DNAJC2: variants seen among roughly 807,000 people sequenced by gnomAD.
DNAJC2 encodes the protein dnaJ homolog subfamily C member 2.
Under a neutral mutation model 94.0 loss-of-function variants are expected in DNAJC2, and 32 were observed. The ratio of observed to expected loss-of-function variants is 0.34; its 90% CI spans 0.26 to 0.46. DNAJC2 has a LOEUF of 0.46. Ranked by LOEUF, DNAJC2 falls within the 20% of genes least tolerant of loss-of-function variation. The probability of loss-of-function intolerance (pLI) is 1.00; values close to 1 mark genes in which losing one functional copy is unlikely to be tolerated. For missense variants in DNAJC2, 550 were observed against 719.5 expected, an observed-to-expected ratio of 0.76 and a Z score of 2.69; for synonymous variants, 210 against 229.7, an observed-to-expected ratio of 0.91 and a Z score of 0.77.
At chr7:103,313,928 T>C in intron 15 of DNAJC2, 1 of 985,436 alleles carries the variant, frequency 1.0e-6, no homozygotes, top group Non-Finnish European at 1.2e-6. Context: ...CACAGACTAA[T>C]ACTACCAGTA....
chr7:103,314,636 C>A (rs897533603), intron 15 of DNAJC2: 1 of 985,292 alleles, frequency 1.0e-6, no homozygotes, highest in Non-Finnish European at 1.2e-6. Flanking sequence ...GTTCTGAAAC[C>A]CTGCCTTGTT....
rs750591003 is a variant in DNAJC2, at chr7:103,341,774, T to C, written c.245A>G (p.Lys82Arg). 2.2e-5 allele frequency: 35 copies of C among 1,575,520 alleles called. No individual in the cohort carries two copies. Among genetic ancestry groups the C allele is most frequent in the Non-Finnish European group, 3.0e-5 (35 of 1,162,438 alleles). ...EFPMLKTLDPKDWKNQDHYAV... is the reference protein window; with the variant it reads ...EFPMLKTLDPRDWKNQDHYAV... ...TCAGATATTAAATACCTTCCAGTCT[T>C]TGGGATCAAGTGTTTTCAGCATGGG... Residue 82 changes from lysine (K) to arginine (R), a missense_variant, in exon 2 of 17, where the codon AAA becomes AGA. Around this residue, in one of 2 missense-constraint regions of DNAJC2, gnomAD observed 279 missense variants for 416.9 expected, o/e 0.67. Coordinates refer to ENST00000379263, the MANE Select transcript of DNAJC2 (RefSeq NM_014377.3).
chr7:103,342,017 A>C, intron 1 of DNAJC2, 63 bp from the exon 2 acceptor site: 1 of 1,293,874 alleles, frequency 7.7e-7, no homozygotes, highest in Non-Finnish European at 1.0e-6. Flanking sequence ...GTTTCAAGGC[A>C]ATTAATTTTT....
chr7:103,323,870 G>A (rs1002849847), intron 6 of DNAJC2, among the ~76,000 whole-genome samples: 5 of 152,022 alleles, frequency 3.3e-5, no homozygotes, highest in Non-Finnish European at 4.4e-5. Context: ...AAACCACACC[G>A]CCCTGCTATC....
At chr7:103,334,778 ATTAT>A (rs1819102666) in intron 3 of DNAJC2, among the ~76,000 whole-genome samples, 1 of 151,992 alleles carries the variant, frequency 6.6e-6, no homozygotes, top group Non-Finnish European at 1.5e-5. Context: ...GCATAATAAA[ATTAT>A]TTATTTCAAC....
intron 10 of DNAJC2, chr7:103,320,830 C>CTTT (rs745754898): frequency 5.9e-4 from 67 of 113,784 alleles, no homozygotes; most frequent in East Asian, 2.7e-3. Flanking sequence ...CTCAGCATGT[C>CTTT]TTTTTTTTTT....
intron 1 of DNAJC2, among the ~76,000 whole-genome samples, chr7:103,342,158 TAATC>T (rs1163206457): frequency 1.3e-5 from 2 of 152,186 alleles, no homozygotes; most frequent in Admixed American, 6.5e-5. Flanking sequence ...AAAGAGTATT[TAATC>T]AACCTCTTCC....
intron 15 of DNAJC2, among the ~76,000 whole-genome samples, chr7:103,315,004 G>T (rs1486229275): frequency 1.3e-5 from 2 of 152,098 alleles, no homozygotes; most frequent in Non-Finnish European, 2.9e-5. Flanking sequence ...AGACACACGT[G>T]ATCAAGAGTT....
At chr7:103,342,504 C>T (rs71572233) in intron 1 of DNAJC2, among the ~76,000 whole-genome samples, 2,103 of 151,936 alleles carry the variant, frequency 0.014, 28 homozygotes, top group South Asian at 0.024. Context: ...GGGGTTTCTC[C>T]ATGTTGGTCA....
intron 5 of DNAJC2, 101 bp downstream of exon 5, chr7:103,326,442 C>T (rs1354809083): frequency 1.7e-6 from 2 of 1,198,128 alleles, no homozygotes; most frequent in Non-Finnish European, 2.4e-6. Context: ...TGGAAATAAT[C>T]TATAAATGAA....
chr7:103,316,347 A>G (rs1444772695), intron 13 of DNAJC2: 2 of 296,076 alleles, frequency 6.8e-6, no homozygotes. Context: ...CATAAATAAA[A>G]CCACTTATTT....
At position 103,317,026 on chromosome 7, in the gene DNAJC2, T is replaced by G. The variant is rs747452026; in HGVS notation, c.1243-12A>C. The G allele has an allele frequency of 6.2e-7, 1 of 1,609,858 alleles. No individual in the cohort carries two copies. Among genetic ancestry groups the G allele is most frequent in the South Asian group, 1.1e-5 (1 of 90,852 alleles). ...TTTATTTCTTCTATCTGCACAAATATCATAAGTCAGGGACTTAGAAGTATA... is the reference window on the plus strand; with the variant it reads ...TTTATTTCTTCTATCTGCACAAATAGCATAAGTCAGGGACTTAGAAGTATA... On this transcript the variant is annotated splice_polypyrimidine_tract_variant and intron_variant, in intron 12 of 16. Coordinates refer to ENST00000379263, the MANE Select transcript of DNAJC2 (RefSeq NM_014377.3).
chr7:103,337,874 G>C (rs1219696417), intron 2 of DNAJC2, 63 bp from the exon 3 acceptor site: 1 of 1,197,424 alleles, frequency 8.4e-7, no homozygotes, highest in Non-Finnish European at 1.2e-6. Flanking sequence ...CATCCCTTGT[G>C]TTCTGGTACC....
chr7:103,344,308 C>A (rs982970564), intron 1 of DNAJC2: 16 of 577,564 alleles, frequency 2.8e-5, no homozygotes, highest in Middle Eastern at 4.5e-4. Context: ...TCAGCCCAAT[C>A]CATGAGTCAG....
intron 15 of DNAJC2, 97 bp downstream of exon 15, chr7:103,315,667 T>C (rs1818007306): frequency 1.4e-6 from 1 of 720,732 alleles, no homozygotes; most frequent in East Asian, 2.7e-5. Flanking sequence ...AAACATTTTA[T>C]TTCCCTATCA....
intron 14 of DNAJC2, 32 bp from the exon 15 acceptor site, chr7:103,315,903 GATC>G (rs747542827): frequency 8.4e-6 from 13 of 1,552,378 alleles, no homozygotes; most frequent in Admixed American, 3.5e-5. Flanking sequence ...ATACTTAACA[GATC>G]ATCATTTAAT....
intron 15 of DNAJC2, chr7:103,313,537 A>T: frequency 1.0e-6 from 1 of 983,934 alleles, no homozygotes; most frequent in Non-Finnish European, 1.2e-6. Context: ...GCTGGATAGA[A>T]ACCCTGGAAA....
chr7:103,314,684 T>C, intron 15 of DNAJC2: 1 of 982,934 alleles, frequency 1.0e-6, no homozygotes, highest in Non-Finnish European at 1.2e-6. Context: ...AATGCCTAAC[T>C]CAGCCAAACA....
At chr7:103,342,774 A>T (rs1392783017) in intron 1 of DNAJC2, among the ~76,000 whole-genome samples, 1 of 151,080 alleles carries the variant, frequency 6.6e-6, no homozygotes, top group Non-Finnish European at 1.5e-5. Context: ...ACCCCCGGCT[A>T]ATTTTTTGCA....
Sources: allele counts gnomAD v4.1 joint callset (sites outside exome capture counted in the v4.1 genomes callset), GRCh38; gene constraint gnomAD v4.1.1; regional missense constraint gnomAD v4.1.1; transcripts MANE v1.5; gene names NCBI Gene and HGNC (gene_info 2026-07-23, HGNC 2026-07-21).